ZNF804B: variants seen among roughly 807,000 people sequenced by gnomAD.
ZNF804B encodes the protein zinc finger 804B.
A neutral mutation model predicts 101.4 loss-of-function variants in ZNF804B; 80 were observed. The observed-to-expected ratio is 0.79, with a 90% CI of 0.66 to 0.95. ZNF804B has a LOEUF of 0.95. Among genes scored for constraint, ZNF804B ranks in the 40% least tolerant of loss-of-function variants. ZNF804B has a pLI of 0.00. For synonymous variants in ZNF804B, 622 were observed against 558.8 expected, an observed-to-expected ratio of 1.11 and a Z score of -1.59; for missense variants, 1,673 against 1,561.9, an observed-to-expected ratio of 1.07 and a Z score of -1.20.
At chr7:89,235,531 T>G (rs1424561129) in intron 2 of ZNF804B, among the ~76,000 whole-genome samples, 1 of 152,230 alleles carries the variant, frequency 6.6e-6, no homozygotes, top group Non-Finnish European at 1.5e-5. Flanking sequence ...ACATTTGAGA[T>G]TCAATTTTGA....
intron 1 of ZNF804B, among the ~76,000 whole-genome samples, chr7:88,782,082 T>C (rs1790236138): frequency 6.7e-6 from 1 of 149,816 alleles, no homozygotes. Context: ...GTAGTGACTA[T>C]CCCAGCTTTT....
intron 1 of ZNF804B, among the ~76,000 whole-genome samples, chr7:89,106,530 A>G (rs894692470): frequency 3.0e-4 from 45 of 152,106 alleles, no homozygotes; most frequent in African/African-American, 1.0e-3. Context: ...AAATGGATCC[A>G]TATTGATCTA....
At chr7:88,815,036 ATG>A (rs974621591) in intron 1 of ZNF804B, among the ~76,000 whole-genome samples, 119 of 148,746 alleles carry the variant, frequency 8.0e-4, no homozygotes, top group South Asian at 1.5e-3. Flanking sequence ...ATATACATAT[ATG>A]TGTGTGTGTG....
chr7:89,083,324 G>A lies in ZNF804B; in HGVS notation c.109-134831G>A, dbSNP rs1034965425. The stretch of plus-strand genomic sequence containing the variant: ...ATTTGGACTTTCTGAAATATCATGA[G>A]CTCTACAAGAAACAATACATGTTTA... On this transcript the variant is annotated intron_variant, in intron 1 of 3. Coordinates refer to ENST00000333190, the MANE Select transcript of ZNF804B (RefSeq NM_181646.5). 2.0e-5 allele frequency among the ~76,000 whole-genome samples: 3 copies of A among 151,702 alleles called. No individual in the cohort carries two copies. The East Asian group carries it at 5.8e-4, about 29-fold the overall frequency.
chr7:88,768,768 T>C (rs962330040), intron 1 of ZNF804B, among the ~76,000 whole-genome samples: 15 of 152,218 alleles, frequency 9.9e-5, no homozygotes, highest in African/African-American at 3.6e-4. Context: ...GTGTTCAGTT[T>C]CTATGATATA....
chr7:89,276,327 T>A (rs1789980345), intron 2 of ZNF804B, among the ~76,000 whole-genome samples: 1 of 151,810 alleles, frequency 6.6e-6, no homozygotes, highest in Non-Finnish European at 1.5e-5. Flanking sequence ...GAACTTAAAA[T>A]AAAAATTACT....
intron 1 of ZNF804B, among the ~76,000 whole-genome samples, chr7:88,766,645 C>G (rs1417159785): frequency 1.3e-5 from 2 of 152,156 alleles, no homozygotes; most frequent in Admixed American, 1.3e-4. Context: ...TCTCCTGTTC[C>G]TAGTCCAGCT....
At chr7:88,788,720 A>T (rs1007626139) in intron 1 of ZNF804B, among the ~76,000 whole-genome samples, 13 of 152,174 alleles carry the variant, frequency 8.5e-5, no homozygotes, top group Non-Finnish European at 1.6e-4. Context: ...ATTAATGAAG[A>T]TACAAACATG....
intron 1 of ZNF804B, among the ~76,000 whole-genome samples, chr7:89,142,035 T>G (rs1790726084): frequency 6.6e-6 from 1 of 151,798 alleles, no homozygotes; most frequent in Admixed American, 6.6e-5. Context: ...CAATGCTATC[T>G]TTTTTACATT....
chr7:89,014,765 A>T (rs1788517511), intron 1 of ZNF804B, among the ~76,000 whole-genome samples: 1 of 152,180 alleles, frequency 6.6e-6, no homozygotes, highest in Admixed American at 6.5e-5. Flanking sequence ...TGTTCATCAG[A>T]AGAATAGTTT....
chr7:88,885,344 A>G (rs1297712183), intron 1 of ZNF804B, among the ~76,000 whole-genome samples: 2 of 151,660 alleles, frequency 1.3e-5, no homozygotes, highest in Non-Finnish European at 3.0e-5. Context: ...TACTATGCTA[A>G]TTTATCTTTT....
At position 88,859,465 on chromosome 7, in the gene ZNF804B, T is replaced by A. The variant is rs557189610; in HGVS notation, c.108+99381T>A. Among the ~76,000 whole-genome samples the A allele has an allele frequency of 2.3e-4, 35 of 152,196 alleles. No homozygotes were observed. In the East Asian group the frequency reaches 6.6e-3, roughly 29 times the overall value. On this transcript the variant is annotated intron_variant, in intron 1 of 3. Transcript: ENST00000333190. The stretch of plus-strand genomic sequence containing the variant: ...CAATCTACTTTTATGTGGGTCATGA[T>A]TTATGTGAGTTATGTGAATCATGAT...
At chr7:89,257,408 T>G (rs956388842) in intron 2 of ZNF804B, among the ~76,000 whole-genome samples, 1 of 152,144 alleles carries the variant, frequency 6.6e-6, no homozygotes, top group Non-Finnish European at 1.5e-5. Context: ...AGTTCTTGTT[T>G]TGCTTTTATT....
chr7:88,785,579 G>T (rs868543846), intron 1 of ZNF804B, among the ~76,000 whole-genome samples: 2 of 151,994 alleles, frequency 1.3e-5, no homozygotes, highest in Non-Finnish European at 2.9e-5. Flanking sequence ...TTAAGATAAG[G>T]TCATGATACT....
chr7:89,117,614 C>G (rs550845237), intron 1 of ZNF804B, among the ~76,000 whole-genome samples: 2 of 152,016 alleles, frequency 1.3e-5, no homozygotes, highest in African/African-American at 4.8e-5. Flanking sequence ...AAATCTCAAA[C>G]GGTTTAAATT....
chr7:88,899,364 G>T (rs1250931292), intron 1 of ZNF804B, among the ~76,000 whole-genome samples: 1 of 152,100 alleles, frequency 6.6e-6, no homozygotes, highest in Non-Finnish European at 1.5e-5. Context: ...TCTGCTCTAA[G>T]GTTACATACA....
chr7:88,870,893 T>C (rs1015901746), intron 1 of ZNF804B, among the ~76,000 whole-genome samples: 14 of 152,216 alleles, frequency 9.2e-5, no homozygotes, highest in Non-Finnish European at 1.5e-5. Context: ...CTGTCTGTAT[T>C]ATTGATGATG....
chr7:88,818,959 A>G (rs1194026828), intron 1 of ZNF804B, among the ~76,000 whole-genome samples: 3 of 152,174 alleles, frequency 2.0e-5, no homozygotes, highest in African/African-American at 7.2e-5. Context: ...TGAGGTTGAT[A>G]TAATTAGAAC....
At chr7:88,819,211 C>T (rs1790934711) in intron 1 of ZNF804B, among the ~76,000 whole-genome samples, 2 of 152,134 alleles carry the variant, frequency 1.3e-5, no homozygotes, top group South Asian at 4.1e-4. Flanking sequence ...GTAACCTCCA[C>T]CTCCCAGGTT....
Sources: allele counts gnomAD v4.1 joint callset (sites outside exome capture counted in the v4.1 genomes callset), GRCh38; gene constraint gnomAD v4.1.1; transcripts MANE v1.5; gene names NCBI Gene and HGNC (gene_info 2026-07-23, HGNC 2026-07-21).